Variants in SV2C observed in about 807,000 individuals in gnomAD.
The protein encoded by SV2C is synaptic vesicle glycoprotein 2C.
Under a neutral mutation model 79.7 loss-of-function variants are expected in SV2C, and 49 were observed. That is an observed-to-expected ratio of 0.61 (90% CI 0.49 to 0.78). The LOEUF (loss-of-function observed/expected upper bound fraction) is 0.78. SV2C is among the 30% of genes least tolerant of loss of function. SV2C has a pLI of 0.00. For synonymous variants in SV2C, 334 were observed against 333.2 expected (o/e 1.00, Z -0.03); for missense variants, 833 against 912.9 (o/e 0.91, Z 1.13).
chr5:76,051,289 TACTC>T, the SV2C span, among the ~76,000 whole-genome samples: 4 of 152,172 alleles, frequency 2.6e-5, 1 homozygote, highest in Admixed American at 2.6e-4. Context: ...GAAATAATAA[TACTC>T]AGAGGTGTTG....
At position 76,150,626 on chromosome 5, in the gene SV2C, C is replaced by CTTT. The variant is rs57910684; in HGVS notation, c.580+18323_580+18325dup. Reference sequence around the variant, plus strand: ...TATTCGTCTGTTTATTCATCAAATTCTTTTTTTTTTTTTTTTTTTTTTTTT... The same window carrying CTTT: ...TATTCGTCTGTTTATTCATCAAATTCTTTTTTTTTTTTTTTTTTTTTTTTTTTT... On this transcript the variant is annotated intron_variant, in intron 2 of 12. Coordinates refer to ENST00000502798, the MANE Select transcript of SV2C (RefSeq NM_014979.4). Among the ~76,000 whole-genome samples the CTTT allele has an allele frequency of 2.1e-3, 118 of 56,496 alleles. 27 individuals carry two copies. Among genetic ancestry groups the CTTT allele is most frequent in the East Asian group, 0.015 (23 of 1,550 alleles). The allele number at this position is 56,496 out of a possible 152,430, so 37.1% of individuals were successfully genotyped here. A position where few individuals can be genotyped will look rare whatever the true frequency, so the allele number is the denominator to read the frequency against.
intron 12 of SV2C, among the ~76,000 whole-genome samples, chr5:76,316,471 G>C (rs1748622703): frequency 6.6e-6 from 1 of 152,192 alleles, no homozygotes; most frequent in Non-Finnish European, 1.5e-5. Flanking sequence ...AGCTCCTCCA[G>C]GTGATTCTGA....
At chr5:76,251,322 C>T (rs1288469249) in intron 4 of SV2C, among the ~76,000 whole-genome samples, 1 of 151,920 alleles carries the variant, frequency 6.6e-6, no homozygotes, top group Non-Finnish European at 1.5e-5. Flanking sequence ...GCAGGAGGAT[C>T]GCTTGAGTCC....
chr5:76,074,702 T>C, the SV2C span, among the ~76,000 whole-genome samples: 1 of 152,210 alleles, frequency 6.6e-6, no homozygotes, highest in African/African-American at 2.4e-5. Flanking sequence ...CAGAGGAGGC[T>C]AGAGACCTCT....
chr5:76,310,770 T>G (rs770944350), intron 12 of SV2C, among the ~76,000 whole-genome samples: 4 of 152,092 alleles, frequency 2.6e-5, no homozygotes, highest in Admixed American at 6.5e-5. Context: ...AGGCAAGAGT[T>G]GGAGTCTGGG....
chr5:76,130,145 TAA>T (rs375351450), intron 1 of SV2C, among the ~76,000 whole-genome samples: 15 of 67,804 alleles, frequency 2.2e-4, no homozygotes, highest in African/African-American at 7.9e-4. Flanking sequence ...TCTCAGTTCT[TAA>T]AAAAAAAAAA....
the SV2C span, among the ~76,000 whole-genome samples, chr5:76,044,061 C>T: frequency 8.5e-5 from 13 of 152,142 alleles, no homozygotes; most frequent in African/African-American, 3.1e-4. Flanking sequence ...GCTCTCCCTC[C>T]CCCTGCTCTC....
At chr5:75,926,872 A>G in the SV2C span, among the ~76,000 whole-genome samples, 1 of 152,200 alleles carries the variant, frequency 6.6e-6, no homozygotes, top group Admixed American at 6.5e-5. Context: ...CACCATTCAA[A>G]CTAGACTAGA....
the SV2C span, among the ~76,000 whole-genome samples, chr5:75,887,408 T>G: frequency 1.1e-3 from 167 of 151,894 alleles, no homozygotes; most frequent in Middle Eastern, 6.8e-3. Flanking sequence ...TCTCTGCCTC[T>G]ATGAGCTCAA....
Position 76,234,816 on chromosome 5 carries a change from C to A in SV2C, c.913+24929C>A, listed in dbSNP as rs551241555. Among the ~76,000 whole-genome samples the A allele has an allele frequency of 5.9e-5, 9 of 152,190 alleles. No homozygotes were observed. The South Asian group carries it at 1.7e-3, about 28-fold the overall frequency. ...TAGCCAATCAAAAGTGTGGCCTGTGCTTACTTGATTTATAATGAAAGGTGA... is the reference window on the plus strand; with the variant it reads ...TAGCCAATCAAAAGTGTGGCCTGTGATTACTTGATTTATAATGAAAGGTGA... On this transcript the variant is annotated intron_variant, in intron 4 of 12. Transcript: ENST00000502798.
At chr5:76,077,695 G>A in the SV2C span, among the ~76,000 whole-genome samples, 1 of 152,194 alleles carries the variant, frequency 6.6e-6, no homozygotes, top group African/African-American at 2.4e-5. Context: ...ATAAGTGGGA[G>A]CTCTGCAGCT....
At chr5:75,901,877 T>G in the SV2C span, among the ~76,000 whole-genome samples, 1 of 152,226 alleles carries the variant, frequency 6.6e-6, no homozygotes, top group Non-Finnish European at 1.5e-5. Context: ...TCCGTGGGCA[T>G]AGGACCTTCC....
At chr5:76,139,922 T>A (rs2112205470) in intron 2 of SV2C, among the ~76,000 whole-genome samples, 1 of 66,866 alleles carries the variant, frequency 1.5e-5, no homozygotes, top group Admixed American at 1.4e-4. Context: ...GACTGCGGAC[T>A]GCAGTGGCGC....
chr5:76,232,594 C>T (rs1745459613), intron 4 of SV2C, among the ~76,000 whole-genome samples: 1 of 151,296 alleles, frequency 6.6e-6, no homozygotes, highest in South Asian at 2.1e-4. Context: ...AGTGTTTAAT[C>T]CATCTTGAAT....
intron 12 of SV2C, among the ~76,000 whole-genome samples, chr5:76,302,902 G>C (rs147507693): frequency 1.1e-3 from 170 of 152,238 alleles, no homozygotes; most frequent in Non-Finnish European, 2.1e-3. Context: ...TTTTTTCCTA[G>C]AACTATGCCA....
chr5:76,308,862 T>C (rs547284376), intron 12 of SV2C, among the ~76,000 whole-genome samples: 53 of 152,350 alleles, frequency 3.5e-4, no homozygotes, highest in Non-Finnish European at 6.6e-4. Flanking sequence ...ATTTTAATAC[T>C]GTTTGTTTAT....
At chr5:76,296,492 G>A (rs1406977616) in intron 9 of SV2C, among the ~76,000 whole-genome samples, 1 of 152,118 alleles carries the variant, frequency 6.6e-6, no homozygotes, top group Non-Finnish European at 1.5e-5. Flanking sequence ...TCTCCTTTAT[G>A]GGATCTGAAA....
At chr5:76,346,141 G>C (rs529447466) in intron 12 of SV2C, among the ~76,000 whole-genome samples, 1 of 152,216 alleles carries the variant, frequency 6.6e-6, no homozygotes, top group East Asian at 1.9e-4. Context: ...ATGTGGAGTT[G>C]GGAGAAGTGC....
upstream of SV2C, chr5:76,079,058 G>A (rs1746935772): frequency 5.0e-6 from 2 of 397,872 alleles, no homozygotes; most frequent in Non-Finnish European, 1.0e-5. Context: ...ACCGATGGGC[G>A]CCTGGTTGAA....
Sources: allele counts gnomAD v4.1 joint callset (sites outside exome capture counted in the v4.1 genomes callset), GRCh38; gene constraint gnomAD v4.1.1; transcripts MANE v1.5; gene names NCBI Gene and HGNC (gene_info 2026-07-23, HGNC 2026-07-21).